Variants in CDH13 observed in about 807,000 individuals in gnomAD.
CDH13 encodes the protein cadherin-13.
A neutral mutation model predicts 63.8 loss-of-function variants in CDH13; 24 were observed. The ratio of observed to expected loss-of-function variants is 0.38; its 90% confidence interval spans 0.27 to 0.53. The LOEUF (loss-of-function observed/expected upper bound fraction) is 0.53. CDH13 is among the 20% of genes least tolerant of loss of function. The probability of loss-of-function intolerance (pLI) is 0.85; values close to 1 mark genes in which losing one functional copy is unlikely to be tolerated. For synonymous variants in CDH13, 503 were observed against 355.3 expected, an observed-to-expected ratio of 1.42 and a Z score of -4.67; for missense variants, 1,049 against 903.1, an observed-to-expected ratio of 1.16 and a Z score of -2.07.
intron 6 of CDH13, among the ~76,000 whole-genome samples, chr16:83,456,220 C>G (rs75792327): frequency 6.6e-6 from 1 of 152,154 alleles, no homozygotes; most frequent in African/African-American, 2.4e-5. Flanking sequence ...GGAGATAGTG[C>G]CAGACAAAAA....
intron 3 of CDH13, among the ~76,000 whole-genome samples, chr16:83,071,281 T>A (rs2032419205): frequency 6.6e-6 from 1 of 152,184 alleles, no homozygotes; most frequent in Admixed American, 6.5e-5. Context: ...AGCAGCGTAT[T>A]ATTTAATCCT....
intron 4 of CDH13, among the ~76,000 whole-genome samples, chr16:83,126,391 T>C (rs1161034149): frequency 1.3e-5 from 2 of 152,132 alleles, no homozygotes; most frequent in Non-Finnish European, 2.9e-5. Context: ...ATATGGCTAA[T>C]TAGGCAGGAA....
intron 6 of CDH13, among the ~76,000 whole-genome samples, chr16:83,451,312 A>G (rs561371649): frequency 1.3e-5 from 2 of 152,178 alleles, no homozygotes; most frequent in Admixed American, 1.3e-4. Flanking sequence ...AGGCAAGAGA[A>G]AGCATGTACA....
chr16:82,758,686 A>G (rs753194571), intron 1 of CDH13, among the ~76,000 whole-genome samples: 2 of 152,172 alleles, frequency 1.3e-5, no homozygotes, highest in African/African-American at 4.8e-5. Flanking sequence ...CTGGAGGGGT[A>G]GTAAATGTAG....
At chr16:83,606,363 G>T (rs8061055) in intron 8 of CDH13, among the ~76,000 whole-genome samples, 51,606 of 152,014 alleles carry the variant, frequency 0.34, 9,023 homozygotes, top group East Asian at 0.43. Context: ...ATATAAAAGA[G>T]GAGTTATGAT....
In CDH13 at chr16:82,736,665, C is replaced by T. The variant is rs984988151; in HGVS notation, c.45+109528C>T. ...CTGTTCAAGTCTCCCATGGTTAATA[C>T]GATAATTTTTCTGATGTTTATCACC... On this transcript the variant is annotated intron_variant, in intron 1 of 13. Coordinates refer to ENST00000567109, the MANE Select transcript of CDH13 (RefSeq NM_001257.5). 3.9e-5 allele frequency among the ~76,000 whole-genome samples: 6 copies of T among 152,134 alleles called. No individual in the cohort carries two copies. In the East Asian group the frequency reaches 5.8e-4, roughly 15 times the overall value.
chr16:83,105,451 G>A (rs1267669426), intron 3 of CDH13, among the ~76,000 whole-genome samples: 1 of 152,148 alleles, frequency 6.6e-6, no homozygotes, highest in African/African-American at 2.4e-5. Flanking sequence ...AGTTTATGAG[G>A]CAATTCGGCT....
intron 4 of CDH13, among the ~76,000 whole-genome samples, chr16:83,183,390 C>A (rs533000455): frequency 6.6e-6 from 1 of 152,280 alleles, no homozygotes; most frequent in East Asian, 1.9e-4. Flanking sequence ...ACGCACACGA[C>A]GTGAAGCCAT....
At position 83,423,430 on chromosome 16, in the gene CDH13, T is replaced by G. The variant is rs576799820; in HGVS notation, c.782-63047T>G. Among the ~76,000 whole-genome samples the G allele has an allele frequency of 3.3e-5, 5 of 152,194 alleles. No individual in the cohort carries two copies. In the South Asian group the frequency reaches 6.2e-4, roughly 19 times the overall value. ...CTGTCTTCTTCTGCTAGAAGGAAATTCCAGGAATCCTTGATCTCGCATCTT... is the reference window on the plus strand; with the variant it reads ...CTGTCTTCTTCTGCTAGAAGGAAATGCCAGGAATCCTTGATCTCGCATCTT... On this transcript the variant is annotated intron_variant, in intron 6 of 13. Transcript: ENST00000567109.
intron 1 of CDH13, among the ~76,000 whole-genome samples, chr16:82,828,265 A>G (rs2038349512): frequency 6.6e-6 from 1 of 152,196 alleles, no homozygotes; most frequent in South Asian, 2.1e-4. Context: ...TGTTTCACAC[A>G]CAGTCAGCCC....
chr16:83,413,314 A>G (rs2092154368), intron 6 of CDH13, among the ~76,000 whole-genome samples: 1 of 152,204 alleles, frequency 6.6e-6, no homozygotes, highest in Non-Finnish European at 1.5e-5. Context: ...TTAAAGCAGC[A>G]CATAAGAGTA....
intron 2 of CDH13, among the ~76,000 whole-genome samples, chr16:82,860,657 C>T (rs546322998): frequency 1.3e-5 from 2 of 151,220 alleles, no homozygotes; most frequent in Non-Finnish European, 2.9e-5. Flanking sequence ...AAAAAAAAAT[C>T]CAAAGCAGAT....
At chr16:83,592,309 C>T (rs1906835687) in intron 7 of CDH13, among the ~76,000 whole-genome samples, 1 of 152,198 alleles carries the variant, frequency 6.6e-6, no homozygotes, top group African/African-American at 2.4e-5. Flanking sequence ...ATTCTGATAA[C>T]ACTTATCTCA....
intron 1 of CDH13, among the ~76,000 whole-genome samples, chr16:82,814,787 C>G (rs1003899467): frequency 6.6e-6 from 1 of 152,156 alleles, no homozygotes; most frequent in Non-Finnish European, 1.5e-5. Flanking sequence ...GTCAGAAGCA[C>G]AGGCCACAAC....
intron 1 of CDH13, among the ~76,000 whole-genome samples, chr16:82,670,773 C>G (rs536280780): frequency 6.6e-5 from 10 of 152,270 alleles, no homozygotes; most frequent in African/African-American, 2.2e-4. Context: ...ACGAGCAATT[C>G]AGTAAAAGTT....
intron 2 of CDH13, among the ~76,000 whole-genome samples, chr16:82,904,649 G>A (rs555552311): frequency 8.5e-5 from 13 of 152,268 alleles, no homozygotes; most frequent in African/African-American, 2.6e-4. Context: ...CAAGATACCT[G>A]GGTGGGCATA....
intron 8 of CDH13, among the ~76,000 whole-genome samples, chr16:83,609,901 A>G (rs1455113374): frequency 2.0e-5 from 3 of 151,976 alleles, no homozygotes; most frequent in East Asian, 1.9e-4. Context: ...CACGCTGGCC[A>G]CCACTGATCT....
chr16:83,217,417 G>C lies in CDH13; in HGVS notation c.556G>C (p.Gly186Arg). 6.2e-7 allele frequency: 1 copy of C among 1,613,964 alleles called. No homozygotes were observed. Among genetic ancestry groups the C allele is most frequent in the Non-Finnish European group, 8.5e-7 (1 of 1,179,854 alleles). The change falls in exon 5 of 14, where the codon GGA becomes CGA. Residue 186 changes from glycine (G) to arginine (R), a missense_variant. Physicochemically the swap from Gly to Arg is moderately radical, Grantham distance 125. Coordinates refer to ENST00000567109, the MANE Select transcript of CDH13 (RefSeq NM_001257.5). ...TGKGVDQEPK[G>R]IFRINENTGS... is the part of the protein sequence containing the mutation. ...AAAGGGAGTGGATCAAGAGCCTAAA[G>C]GAATTTTCAGAATCAATGAGAACAC...
Position 82,929,630 on chromosome 16 carries a change from G to T in CDH13, c.157+71157G>T, listed in dbSNP as rs149163708. On this transcript the variant is annotated intron_variant, in intron 2 of 13. Coordinates refer to ENST00000567109, the MANE Select transcript of CDH13 (RefSeq NM_001257.5). ...TCACGCCACTGCACTCCAGCTTGGG[G>T]GACAGAGTGAGACTCCATCTCAAAA... Among the ~76,000 whole-genome samples the T allele has an allele frequency of 9.5e-3, 1,126 of 119,142 alleles. 17 individuals are homozygous for T. The highest frequency in any genetic ancestry group is 0.035 in the African/African-American group (1,092 of 31,300). 78.2% of individuals were successfully genotyped at this position (119,142 alleles called of 152,430 possible). A position where few individuals can be genotyped will look rare whatever the true frequency, so the allele number is the denominator to read the frequency against.
Sources: gnomAD v4.1 joint callset for allele counts (sites outside exome capture counted in the v4.1 genomes callset) on GRCh38, gnomAD v4.1.1 for gene constraint, MANE v1.5 for transcripts, NCBI Gene and HGNC (gene_info 2026-07-23, HGNC 2026-07-21) for gene names.